Variants in KHDRBS2 observed in about 807,000 individuals in gnomAD.
KHDRBS2 encodes KH RNA binding domain containing, signal transduction associated 2.
KHDRBS2 carries 26 observed loss-of-function variants against 44.3 expected under a neutral mutation model. That is an observed-to-expected ratio of 0.59 (90% CI 0.43 to 0.81). The LOEUF (loss-of-function observed/expected upper bound fraction) is 0.81. Among genes scored for constraint, KHDRBS2 ranks in the 40% least tolerant of loss-of-function variants. KHDRBS2 has a pLI of 0.00. For synonymous variants in KHDRBS2, 194 were observed against 151.1 expected (o/e 1.28, Z -2.08); for missense variants, 476 against 433.1 (o/e 1.10, Z -0.88).
chr6:61,904,767 T>C (rs1273345793), intron 4 of KHDRBS2, among the ~76,000 whole-genome samples: 1 of 152,126 alleles, frequency 6.6e-6, no homozygotes, highest in Non-Finnish European at 1.5e-5. Context: ...GGTCAGACAT[T>C]GTAGGGTGAG....
intron 1 of KHDRBS2, among the ~76,000 whole-genome samples, chr6:62,275,771 TCA>T (rs2150192383): frequency 6.6e-6 from 1 of 152,308 alleles, no homozygotes; most frequent in South Asian, 2.1e-4. Flanking sequence ...TGACACTCTT[TCA>T]CACTTTTATT....
At chr6:61,712,282 G>T (rs923450897) in intron 7 of KHDRBS2, among the ~76,000 whole-genome samples, 2 of 151,890 alleles carry the variant, frequency 1.3e-5, no homozygotes, top group East Asian at 3.9e-4. Context: ...TGAAAGTAGG[G>T]AGGGGTGAAG....
intron 1 of KHDRBS2, among the ~76,000 whole-genome samples, chr6:62,270,856 GA>G (rs1839981825): frequency 6.6e-6 from 1 of 152,084 alleles, no homozygotes; most frequent in South Asian, 2.1e-4. Context: ...CATAGATGAG[GA>G]AAGAAAGGCT....
the KHDRBS2 span, among the ~76,000 whole-genome samples, chr6:61,573,725 G>T: frequency 3.9e-5 from 6 of 151,970 alleles, no homozygotes; most frequent in Non-Finnish European, 5.9e-5. Flanking sequence ...GGAGGTGGAG[G>T]TTGCAGTGAG....
chr6:61,855,000 C>T (rs1020988952), intron 6 of KHDRBS2, among the ~76,000 whole-genome samples: 3 of 152,068 alleles, frequency 2.0e-5, no homozygotes, highest in African/African-American at 7.2e-5. Context: ...AAAGCAATGA[C>T]AATGAATTTA....
Position 62,113,229 on chromosome 6 carries a change from C to T in KHDRBS2, c.219+63956G>A, listed in dbSNP as rs1239465412. Among the ~76,000 whole-genome samples the T allele has an allele frequency of 4.6e-5, 7 of 152,096 alleles. No individual in the cohort carries two copies. The East Asian group carries it at 1.4e-3, about 29-fold the overall frequency. On this transcript the variant is annotated intron_variant, in intron 2 of 8. Coordinates refer to ENST00000281156, the MANE Select transcript of KHDRBS2 (RefSeq NM_152688.4). The stretch of plus-strand genomic sequence containing the variant: ...GCACATATTATGTCCCATATTCAGG[C>T]TCTGGCTGAACATATGATTCATTGA...
intron 6 of KHDRBS2, among the ~76,000 whole-genome samples, chr6:61,789,310 A>G (rs1784277803): frequency 6.6e-6 from 1 of 151,562 alleles, no homozygotes; most frequent in South Asian, 2.1e-4. Flanking sequence ...GTAAAGTAGT[A>G]GGAGAAAAGT....
At chr6:61,712,826 T>C (rs1380518236) in intron 7 of KHDRBS2, among the ~76,000 whole-genome samples, 7 of 151,796 alleles carry the variant, frequency 4.6e-5, no homozygotes, top group Admixed American at 4.6e-4. Context: ...TAGCCTTTTA[T>C]ACTTCTCTTT....
intron 4 of KHDRBS2, among the ~76,000 whole-genome samples, chr6:61,937,383 A>T (rs1479617264): frequency 2.0e-5 from 3 of 152,132 alleles, no homozygotes; most frequent in East Asian, 3.9e-4. Context: ...TTCTTCTTGT[A>T]CATAGAAGAT....
At chr6:62,070,077 G>T (rs1199289191) in intron 2 of KHDRBS2, among the ~76,000 whole-genome samples, 1 of 151,420 alleles carries the variant, frequency 6.6e-6, no homozygotes, top group African/African-American at 2.4e-5. Context: ...TATGGTTTTT[G>T]CTCCTTATTT....
intron 3 of KHDRBS2, among the ~76,000 whole-genome samples, chr6:61,998,997 T>C (rs1444421211): frequency 1.3e-5 from 2 of 152,166 alleles, no homozygotes; most frequent in African/African-American, 2.4e-5. Context: ...TTGTGTTTTC[T>C]TTGCCTACAT....
intron 1 of KHDRBS2, among the ~76,000 whole-genome samples, chr6:62,279,390 A>T (rs1841476970): frequency 1.3e-5 from 2 of 152,198 alleles, no homozygotes; most frequent in Admixed American, 1.3e-4. Flanking sequence ...GTTTCTGGAG[A>T]TATCTTCTAA....
At chr6:61,581,136 C>A in the KHDRBS2 span, among the ~76,000 whole-genome samples, 5 of 152,296 alleles carry the variant, frequency 3.3e-5, no homozygotes, top group South Asian at 4.1e-4. Flanking sequence ...CTGCTTCACT[C>A]AGGCTGTAGA....
At chr6:61,631,538 T>C in the KHDRBS2 span, among the ~76,000 whole-genome samples, 1 of 152,180 alleles carries the variant, frequency 6.6e-6, no homozygotes, top group African/African-American at 2.4e-5. Context: ...GACAAGTAAT[T>C]ATAGCAGTGG....
chr6:61,813,867 A>G (rs949818607), intron 6 of KHDRBS2: 1 of 454,460 alleles, frequency 2.2e-6, no homozygotes, highest in African/African-American at 2.0e-5. Flanking sequence ...TAGAAGTAGT[A>G]GTATGACACA....
At chr6:61,939,831 A>G (rs535931019) in intron 4 of KHDRBS2, among the ~76,000 whole-genome samples, 1 of 152,330 alleles carries the variant, frequency 6.6e-6, no homozygotes, top group Non-Finnish European at 1.5e-5. Context: ...AAGGCTATGG[A>G]GATGCAAAAT....
intron 6 of KHDRBS2, among the ~76,000 whole-genome samples, chr6:61,765,479 ATAAG>A (rs943775776): frequency 1.3e-5 from 2 of 152,076 alleles, no homozygotes; most frequent in African/African-American, 2.4e-5. Context: ...AAATAAGTAA[ATAAG>A]TAAATAAATA....
At chr6:61,673,763 G>T in the KHDRBS2 span, among the ~76,000 whole-genome samples, 7 of 141,086 alleles carry the variant, frequency 5.0e-5, no homozygotes, top group African/African-American at 1.1e-4. Flanking sequence ...CACTGCTCAA[G>T]GAAATAAAAG....
At position 62,108,773 on chromosome 6, in the gene KHDRBS2, A is replaced by AT. The variant is rs1804208267; in HGVS notation, c.220-60780dup. On this transcript the variant is annotated intron_variant, in intron 2 of 8. Coordinates refer to ENST00000281156, the MANE Select transcript of KHDRBS2 (RefSeq NM_152688.4). ...CATGGAATACTATGCACCTATAAAA[A>AT]TGATGAGTTCATGTCCTTTGTAGGG... 2.0e-5 allele frequency among the ~76,000 whole-genome samples: 3 copies of AT among 152,336 alleles called. No homozygotes were observed. The South Asian group carries it at 6.2e-4, about 32-fold the overall frequency.
Sources: gnomAD v4.1 joint callset for allele counts (sites outside exome capture counted in the v4.1 genomes callset) on GRCh38, gnomAD v4.1.1 for gene constraint, MANE v1.5 for transcripts, NCBI Gene and HGNC (gene_info 2026-07-23, HGNC 2026-07-21) for gene names.